NLRC5: variants seen among roughly 807,000 people sequenced by gnomAD.
NLRC5 encodes protein NLRC5.
In NLRC5, 114 loss-of-function variants were observed where a neutral mutation model predicts 206.9. The ratio of observed to expected loss-of-function variants is 0.55; its 90% CI spans 0.47 to 0.64. NLRC5 has a LOEUF of 0.64. Among genes scored for constraint, NLRC5 ranks in the 30% least tolerant of loss-of-function variants. The pLI is 0.00. For missense variants in NLRC5, 2,008 were observed against 2,305.5 expected (o/e 0.87, Z 2.64); for synonymous variants, 952 against 962.8 (o/e 0.99, Z 0.21).
chr16:57,007,889 T>C (rs1471431435), intron 1 of NLRC5, among the ~76,000 whole-genome samples: 5 of 152,250 alleles, frequency 3.3e-5, no homozygotes, highest in African/African-American at 1.2e-4. Flanking sequence ...TTATGATGTA[T>C]ACATTTATAA....
chr16:57,065,231 G>A lies in NLRC5; in HGVS notation c.4174G>A (p.Asp1392Asn), dbSNP rs372289242. 53 of 1,565,750 alleles carry A rather than the reference G, an allele frequency of 3.4e-5. No homozygotes were observed. The highest frequency in any genetic ancestry group is 4.5e-5 in the Non-Finnish European group (52 of 1,151,540). The change falls in exon 33 of 49, where the codon GAC becomes AAC. Residue 1392 changes from aspartate to asparagine, a missense_variant. Transcript: ENST00000688547. ...FSLRVQEPWA[D>N]RARVLSLLEV... Reference sequence around the variant, plus strand: ...TGACAGGGTGCAGGAGCCGTGGGCGGACAGAGCCAGGGTTCTCTCCCTGTT... The same window carrying A: ...TGACAGGGTGCAGGAGCCGTGGGCGAACAGAGCCAGGGTTCTCTCCCTGTT...
At chr16:56,997,361 G>A (rs901034507) in intron 1 of NLRC5, among the ~76,000 whole-genome samples, 8 of 151,964 alleles carry the variant, frequency 5.3e-5, no homozygotes, top group Non-Finnish European at 1.0e-4. Context: ...CATTGGCTGC[G>A]GACTGGACAT....
rs1477416085 is a variant in NLRC5 at position 57,022,280 on chromosome 16, A to C, written c.320A>C (p.Glu107Ala). ...DDGFTSQLGA[E>A]GKSQPESQLH... ...GGGTTCACCAGCCAGCTGGGAGCTG[A>C]GGGGAAAAGCCAACCTGAATCTCAG... The change falls in exon 4 of 49, where the codon GAG becomes GCG. Residue 107 changes from glutamate (E) to alanine (A), a missense_variant. Glu to Ala is a moderately radical substitution (Grantham distance 107). Coordinates refer to ENST00000688547, the MANE Select transcript of NLRC5 (RefSeq NM_001384950.1). 1.2e-6 allele frequency: 2 copies of C among 1,612,080 alleles called. No individual in the cohort carries two copies. Among genetic ancestry groups the C allele is most frequent in the Middle Eastern group, 1.7e-4 (1 of 6,054 alleles).
chr16:57,033,657 G>C lies in NLRC5; in HGVS notation c.2531G>C (p.Ser844Thr). 6.2e-7 allele frequency: 1 copy of C among 1,614,060 alleles called. No individual in the cohort carries two copies. Among genetic ancestry groups the C allele is most frequent in the Admixed American group, 1.7e-5 (1 of 60,026 alleles). ...DGQRKGAQSRSLTLRLQKCQL... is the reference protein window; with the variant it reads ...DGQRKGAQSRTLTLRLQKCQL... ...CAGAGGAAAGGGGCTCAGAGCAGAA[G>C]CTTGACGCTCAGGTACCTTGGAGGG... The change falls in exon 12 of 49, where the codon AGC becomes ACC. Residue 844 changes from serine to threonine, a missense_variant. Physicochemically the swap from Ser to Thr is moderately conservative, Grantham distance 58 (BLOSUM62 1). Transcript: ENST00000688547.
chr16:57,058,482 C>G, intron 28 of NLRC5: 2 of 393,932 alleles, frequency 5.1e-6, no homozygotes, highest in Non-Finnish European at 9.4e-6. Context: ...CTGCCTGGCT[C>G]CTGGTCCATC....
At chr16:57,014,684 G>A (rs929275578) in intron 1 of NLRC5, among the ~76,000 whole-genome samples, 4 of 152,082 alleles carry the variant, frequency 2.6e-5, no homozygotes, top group Admixed American at 2.6e-4. Flanking sequence ...TTCTGTGGTC[G>A]AAGGCAAGTA....
chr16:57,059,300 A>T, intron 29 of NLRC5, 167 bp from the exon 30 acceptor site: 4 of 1,464,560 alleles, frequency 2.7e-6, no homozygotes, highest in Non-Finnish European at 3.6e-6. Flanking sequence ...AGGTATTGCC[A>T]TGCTCACAGA....
intron 1 of NLRC5, among the ~76,000 whole-genome samples, chr16:57,003,098 C>T (rs62035535): frequency 2.0e-5 from 3 of 151,576 alleles, no homozygotes; most frequent in Non-Finnish European, 4.4e-5. Context: ...CTCGCTCTGT[C>T]GCCCAGACTG....
In NLRC5 at chr16:57,045,469, C is replaced by T; in HGVS notation, c.3225C>T (p.Leu1075=). 2.5e-6 allele frequency: 4 copies of T among 1,614,150 alleles called. No homozygotes were observed. The highest frequency in any genetic ancestry group is 1.3e-5 in the African/African-American group (1 of 75,054). Residue 1075 remains leucine, a synonymous_variant, in exon 21 of 49, where the codon CTC becomes CTT. Coordinates refer to ENST00000688547, the MANE Select transcript of NLRC5 (RefSeq NM_001384950.1). Reference sequence around the variant, plus strand: ...CCAGCTTTGAAAGCCAACACATCCTCCTGAGAGGGGACAAGACAAGCAGGT... The same window carrying T: ...CCAGCTTTGAAAGCCAACACATCCTTCTGAGAGGGGACAAGACAAGCAGGT... ...LDISFESQHI[L]LRGDKTSRDM...
intron 2 of NLRC5, among the ~76,000 whole-genome samples, chr16:57,019,199 C>T (rs1414669110): frequency 6.6e-6 from 1 of 152,150 alleles, no homozygotes; most frequent in African/African-American, 2.4e-5. Context: ...AGTTTGAGCC[C>T]AGCCTGGCCA....
At chr16:57,013,841 G>A (rs551892255) in intron 1 of NLRC5, 16 of 677,920 alleles carry the variant, frequency 2.4e-5, no homozygotes, top group Middle Eastern at 4.3e-4. Flanking sequence ...TATTTCATCC[G>A]ATACTTTCTT....
chr16:57,060,024 GTTATTATTATTATTATTA>G (rs3995823), intron 30 of NLRC5, among the ~76,000 whole-genome samples: 1 of 144,884 alleles, frequency 6.9e-6, no homozygotes, highest in Non-Finnish European at 1.5e-5. Flanking sequence ...TATTGTAACT[GTTATTATTATTATTATTA>G]TTATTATTAT....
At chr16:57,025,277 A>G in intron 5 of NLRC5, 91 bp from the exon 6 acceptor site, 1 of 1,484,178 alleles carries the variant, frequency 6.7e-7, no homozygotes, top group Non-Finnish European at 8.9e-7. Flanking sequence ...ATCTGGGGCT[A>G]CAGGCTCCCA....
chr16:57,022,588 T>G (rs2142977867), intron 4 of NLRC5, among the ~76,000 whole-genome samples: 1 of 152,298 alleles, frequency 6.6e-6, no homozygotes, highest in African/African-American at 2.4e-5. Flanking sequence ...AAGCCTGTTC[T>G]CACTTTCCTG....
chr16:57,038,926 C>T (rs1211924308), intron 15 of NLRC5, among the ~76,000 whole-genome samples: 1 of 142,564 alleles, frequency 7.0e-6, no homozygotes, highest in Non-Finnish European at 1.5e-5. Flanking sequence ...CAGAGCAAGA[C>T]TCTGTCTCAA....
chr16:56,995,371 G>A (rs191495042), intron 1 of NLRC5, among the ~76,000 whole-genome samples: 8 of 152,340 alleles, frequency 5.3e-5, no homozygotes, highest in East Asian at 1.9e-4. Flanking sequence ...ACATCCAGGC[G>A]TAAGCAACGC....
chr16:57,068,540 T>C (rs2067303812), intron 36 of NLRC5, among the ~76,000 whole-genome samples: 2 of 151,982 alleles, frequency 1.3e-5, no homozygotes, highest in African/African-American at 4.8e-5. Context: ...ACTCTCTCCC[T>C]CTCTCCTTTT....
chr16:57,009,551 C>T (rs1421965268), intron 1 of NLRC5, among the ~76,000 whole-genome samples: 1 of 151,990 alleles, frequency 6.6e-6, no homozygotes, highest in Non-Finnish European at 1.5e-5. Context: ...TGAGATCACG[C>T]CACTGCACTC....
chr16:57,063,449 G>A (rs1261075253), intron 32 of NLRC5, among the ~76,000 whole-genome samples: 1 of 152,046 alleles, frequency 6.6e-6, no homozygotes, highest in Non-Finnish European at 1.5e-5. Flanking sequence ...ATATTCCATT[G>A]TGTGGATGGA....
Sources: gnomAD v4.1 joint callset for allele counts (sites outside exome capture counted in the v4.1 genomes callset) on GRCh38, gnomAD v4.1.1 for gene constraint, MANE v1.5 for transcripts, NCBI Gene and HGNC (gene_info 2026-07-23, HGNC 2026-07-21) for gene names.